FRMD4A: variants seen among roughly 807,000 people sequenced by gnomAD.
FRMD4A encodes FERM domain containing 4A, also known as FERM domain-containing protein 4A.
A neutral mutation model predicts 129.1 loss-of-function variants in FRMD4A; 29 were observed. That is an observed-to-expected ratio of 0.22 (90% CI 0.17 to 0.31). The LOEUF is 0.31. Among genes scored for constraint, FRMD4A ranks in the 10% least tolerant of loss-of-function variants. FRMD4A has a pLI of 1.00. For missense variants in FRMD4A, 1,272 were observed against 1,375.8 expected (o/e 0.92, Z 1.19); for synonymous variants, 634 against 571.6 (o/e 1.11, Z -1.56).
At chr10:13,755,364 CAAAG>C (rs2091815957) in intron 8 of FRMD4A, among the ~76,000 whole-genome samples, 1 of 152,142 alleles carries the variant, frequency 6.6e-6, no homozygotes, top group East Asian at 1.9e-4. Context: ...GAACAGATTT[CAAAG>C]AAAGAAAGAG....
intron 2 of FRMD4A, among the ~76,000 whole-genome samples, chr10:13,928,401 A>G (rs537954238): frequency 4.6e-5 from 7 of 152,222 alleles, no homozygotes; most frequent in Non-Finnish European, 1.0e-4. Flanking sequence ...TTCTACTTAA[A>G]GAAAAAATCC....
At chr10:14,150,230 G>A (rs1002548217) in intron 2 of FRMD4A, among the ~76,000 whole-genome samples, 1 of 152,092 alleles carries the variant, frequency 6.6e-6, no homozygotes, top group African/African-American at 2.4e-5. Flanking sequence ...AACCATATCA[G>A]GTCCTAGTCT....
intron 14 of FRMD4A, among the ~76,000 whole-genome samples, chr10:13,700,692 C>T (rs985857456): frequency 2.0e-5 from 3 of 151,984 alleles, no homozygotes; most frequent in Admixed American, 6.6e-5. Flanking sequence ...ACCAAGGAGA[C>T]GTCATCCTCT....
intron 2 of FRMD4A, among the ~76,000 whole-genome samples, chr10:14,044,052 T>G (rs780517006): frequency 1.3e-5 from 2 of 152,150 alleles, no homozygotes; most frequent in Non-Finnish European, 2.9e-5. Flanking sequence ...TGGTCTCCAG[T>G]TCCTGTCCTC....
intron 2 of FRMD4A, among the ~76,000 whole-genome samples, chr10:14,032,738 C>T (rs1017315311): frequency 6.6e-6 from 1 of 152,196 alleles, no homozygotes; most frequent in African/African-American, 2.4e-5. Flanking sequence ...ATGGCATCCC[C>T]TCACCCCATC....
chr10:14,122,438 T>C (rs1447273033), intron 2 of FRMD4A, among the ~76,000 whole-genome samples: 3 of 152,000 alleles, frequency 2.0e-5, no homozygotes, highest in African/African-American at 7.3e-5. Flanking sequence ...ATTGGGTAAT[T>C]TATAAAGAAA....
intron 6 of FRMD4A, among the ~76,000 whole-genome samples, chr10:13,779,719 A>G (rs1039647558): frequency 6.6e-6 from 1 of 151,800 alleles, no homozygotes; most frequent in East Asian, 1.9e-4. Context: ...TATTTGATTT[A>G]TTTCAAGGTA....
chr10:13,777,061 G>T lies in FRMD4A; in HGVS notation c.384+5861C>A, dbSNP rs575175769. Among the ~76,000 whole-genome samples, 15 of 152,360 alleles carry T rather than the reference G, an allele frequency of 9.8e-5. 1 individual carries two copies. The South Asian group carries it at 3.1e-3, about 32-fold the overall frequency. ...CAATTAGAGAGGAAAGGGAAGCTTG[G>T]AGACGTTACAGGAGGTGCCCACATT... On this transcript the variant is annotated intron_variant, in intron 6 of 24. Transcript: ENST00000357447.
intron 2 of FRMD4A, among the ~76,000 whole-genome samples, chr10:14,135,444 C>T (rs1439746594): frequency 6.6e-6 from 1 of 152,232 alleles, no homozygotes; most frequent in Non-Finnish European, 1.5e-5. Context: ...CATCATTTCC[C>T]TTTTCTGTCT....
intron 2 of FRMD4A, among the ~76,000 whole-genome samples, chr10:14,278,422 T>G (rs898356828): frequency 2.6e-5 from 4 of 152,228 alleles, no homozygotes; most frequent in Admixed American, 6.5e-5. Context: ...GATTTATTTC[T>G]TGTTAGTATT....
At chr10:13,985,165 G>C (rs2095576492) in intron 2 of FRMD4A, among the ~76,000 whole-genome samples, 1 of 152,220 alleles carries the variant, frequency 6.6e-6, no homozygotes, top group African/African-American at 2.4e-5. Flanking sequence ...GTTTGCCTTC[G>C]CATTCCGGGC....
chr10:13,938,952 G>T (rs183586109), intron 2 of FRMD4A, among the ~76,000 whole-genome samples: 1 of 152,168 alleles, frequency 6.6e-6, no homozygotes, highest in Non-Finnish European at 1.5e-5. Flanking sequence ...CCTGGAAGGC[G>T]CTACCAGCAT....
chr10:14,251,380 C>T (rs764270053), intron 2 of FRMD4A, among the ~76,000 whole-genome samples: 7 of 152,234 alleles, frequency 4.6e-5, no homozygotes, highest in South Asian at 2.1e-4. Context: ...TAGTGCTGAA[C>T]GTAGGCCTAC....
At position 14,263,701 on chromosome 10, in the gene FRMD4A, G is replaced by A. The variant is rs539227631; in HGVS notation, c.45+66357C>T. Reference sequence around the variant, plus strand: ...CCCTCTAAGCTCCTTCGTGTTGCAGGGTTAGGGCACAAGCAGGGTACTGAC... The same window carrying A: ...CCCTCTAAGCTCCTTCGTGTTGCAGAGTTAGGGCACAAGCAGGGTACTGAC... On this transcript the variant is annotated intron_variant, in intron 2 of 24. Transcript: ENST00000357447. Among the ~76,000 whole-genome samples the A allele has an allele frequency of 2.0e-4, 31 of 152,228 alleles. No homozygotes were observed. In the South Asian group the frequency reaches 5.6e-3, roughly 28 times the overall value.
intron 2 of FRMD4A, among the ~76,000 whole-genome samples, chr10:14,247,724 G>A (rs559956884): frequency 1.3e-5 from 2 of 152,300 alleles, no homozygotes; most frequent in Non-Finnish European, 2.9e-5. Flanking sequence ...AGAGGGGAAG[G>A]CCTTACGGGG....
At chr10:14,275,249 C>G (rs1845298039) in intron 2 of FRMD4A, among the ~76,000 whole-genome samples, 1 of 152,198 alleles carries the variant, frequency 6.6e-6, no homozygotes, top group South Asian at 2.1e-4. Flanking sequence ...TAGACCGACT[C>G]AAGGACAGTA....
intron 2 of FRMD4A, among the ~76,000 whole-genome samples, chr10:14,045,917 T>C (rs761592612): frequency 3.5e-4 from 51 of 147,724 alleles, no homozygotes; most frequent in Non-Finnish European, 5.6e-4. Context: ...ATAATTATCA[T>C]ATTTAATGTA....
intron 2 of FRMD4A, among the ~76,000 whole-genome samples, chr10:14,199,467 G>A (rs941606104): frequency 3.4e-5 from 5 of 148,694 alleles, no homozygotes; most frequent in African/African-American, 1.3e-4. Flanking sequence ...TCAACTCACT[G>A]CAATCTCCAC....
intron 2 of FRMD4A, among the ~76,000 whole-genome samples, chr10:13,987,525 A>G (rs1024822827): frequency 1.3e-5 from 2 of 152,178 alleles, no homozygotes; most frequent in Admixed American, 1.3e-4. Flanking sequence ...AGTTCGCCCA[A>G]CGTCAGGAAC....
Sources: gnomAD v4.1 joint callset for allele counts (sites outside exome capture counted in the v4.1 genomes callset) on GRCh38, gnomAD v4.1.1 for gene constraint, MANE v1.5 for transcripts, NCBI Gene and HGNC (gene_info 2026-07-23, HGNC 2026-07-21) for gene names.